The following ALOXE3 variants were observed in gnomAD, a reference collection of about 807,000 sequenced individuals.
The protein encoded by ALOXE3 is hydroperoxide isomerase ALOXE3.
ALOXE3 carries 78 observed loss-of-function variants against 87.5 expected under a neutral mutation model. The ratio of observed to expected loss-of-function variants is 0.89; its 90% CI spans 0.74 to 1.08. The LOEUF is 1.08. Ranked by LOEUF, ALOXE3 falls within the 50% of genes least tolerant of loss-of-function variation. The pLI is 0.00. For missense variants in ALOXE3, 946 were observed against 912.4 expected (o/e 1.04, Z -0.47); for synonymous variants, 363 against 370.8 (o/e 0.98, Z 0.24).
intron 6 of ALOXE3, among the ~76,000 whole-genome samples, chr17:8,113,204 C>G (rs965346139): frequency 6.6e-6 from 1 of 152,172 alleles, no homozygotes; most frequent in African/African-American, 2.4e-5. Flanking sequence ...TGCCTTGGAT[C>G]TTTCACACTC....
At chr17:8,107,527 AG>A (rs1979410926) in intron 13 of ALOXE3, among the ~76,000 whole-genome samples, 1 of 151,866 alleles carries the variant, frequency 6.6e-6, no homozygotes, top group African/African-American at 2.4e-5. Context: ...GCACCAGGCG[AG>A]GTGGCTCACG....
chr17:8,106,603 A>G (rs1979330554), intron 13 of ALOXE3, among the ~76,000 whole-genome samples: 1 of 152,140 alleles, frequency 6.6e-6, no homozygotes, highest in African/African-American at 2.4e-5. Context: ...CATATTGCCT[A>G]TTTTTCCCCC....
In ALOXE3 at chr17:8,096,671, T is replaced by TGTA. The variant is rs1433785023; in HGVS notation, c.2089_2091dup (p.Tyr697dup). Reference sequence around the variant, plus strand: ...TCAATGAGGGGAGGGTCCAGGTAGGTGTAGGGCAGTGCCAGACCCTGGTTC... The same window carrying TGTA: ...TCAATGAGGGGAGGGTCCAGGTAGGTGTAGTAGGGCAGTGCCAGACCCTGGTTC... On this transcript the variant is annotated inframe_insertion, in exon 16 of 16. Coordinates refer to ENST00000448843, the MANE Select transcript of ALOXE3 (RefSeq NM_021628.3). The TGTA allele has an allele frequency of 4.6e-6, 7 of 1,535,500 alleles. No homozygotes were observed. Among genetic ancestry groups the TGTA allele is most frequent in the Non-Finnish European group, 6.3e-6 (7 of 1,108,514 alleles).
At chr17:8,109,484 GC>G in intron 11 of ALOXE3, 141 bp from the exon 12 acceptor site, 7 of 1,165,166 alleles carry the variant, frequency 6.0e-6, no homozygotes, top group South Asian at 5.5e-5. Context: ...ACCCACGAGG[GC>G]CTGCCTGACG....
chr17:8,109,781 G>A (rs1979860727), intron 11 of ALOXE3, 135 bp downstream of exon 11: 2 of 875,618 alleles, frequency 2.3e-6, no homozygotes, highest in Non-Finnish European at 3.5e-6. Context: ...GGTGGAAGAG[G>A]CAGTGATTGT....
chr17:8,106,790 A>T (rs972908082), intron 13 of ALOXE3, among the ~76,000 whole-genome samples: 1 of 152,096 alleles, frequency 6.6e-6, no homozygotes, highest in Non-Finnish European at 1.5e-5. Flanking sequence ...CTTTTTAAAT[A>T]CTGTATGTGA....
At chr17:8,105,838 C>T (rs185639804) in intron 13 of ALOXE3, among the ~76,000 whole-genome samples, 1 of 144,520 alleles carries the variant, frequency 6.9e-6, no homozygotes, top group African/African-American at 2.6e-5. Context: ...TCACTTGAGC[C>T]TGGGAGGTCA....
Position 8,110,471 on chromosome 17 carries a change from G to A in ALOXE3, c.1015C>T (p.Leu339=), listed in dbSNP as rs770333879. 1.7e-5 allele frequency: 28 copies of A among 1,613,758 alleles called. No individual in the cohort carries two copies. The African/African-American group carries it at 3.5e-4, about 20-fold the overall frequency. Residue 339 remains leucine (L), a synonymous_variant, in exon 9 of 16, where the codon CTA becomes TTA. Coordinates refer to ENST00000448843, the MANE Select transcript of ALOXE3 (RefSeq NM_021628.3). The part of the protein sequence containing the change: ...WILAEAPTHC[L]NGRQQYVAAP... The stretch of plus-strand genomic sequence containing the variant: ...GCCACGTACTGCTGGCGGCCGTTTA[G>A]GCAGTGGGTGGGGGCCTCCGCCAGG...
chr17:8,104,029 G>T, intron 14 of ALOXE3, 86 bp downstream of exon 14: 1 of 1,180,122 alleles, frequency 8.5e-7, no homozygotes. Flanking sequence ...CCCCAACGCT[G>T]ACCCACCCAA....
At chr17:8,114,681 C>A in intron 5 of ALOXE3, 72 bp from the exon 6 acceptor site, 1 of 1,601,558 alleles carries the variant, frequency 6.2e-7, no homozygotes, top group South Asian at 1.1e-5. Context: ...AACTCCTTCC[C>A]TCTTTCCTGC....
Position 8,118,130 on chromosome 17 carries a change from G to T in ALOXE3, c.-140C>A. 2.6e-6 allele frequency: 4 copies of T among 1,551,522 alleles called. No homozygotes were observed. The highest frequency in any genetic ancestry group is 2.6e-6 in the Non-Finnish European group (3 of 1,147,250). Reference sequence around the variant, plus strand: ...CGGGGCTGGGTAGGGCTGAGGATGGGCCCAGCTCTCTCTGGGATGTTCCTG... The same window carrying T: ...CGGGGCTGGGTAGGGCTGAGGATGGTCCCAGCTCTCTCTGGGATGTTCCTG... On this transcript the variant is annotated 5_prime_UTR_variant, in exon 2 of 16. Coordinates refer to ENST00000448843, the MANE Select transcript of ALOXE3 (RefSeq NM_021628.3).
At chr17:8,106,057 T>G (rs1406332757) in intron 13 of ALOXE3, among the ~76,000 whole-genome samples, 2 of 151,676 alleles carry the variant, frequency 1.3e-5, no homozygotes, top group Non-Finnish European at 2.9e-5. Flanking sequence ...TTCAGAGGAT[T>G]AGCAGGGTGG....
chr17:8,107,833 G>T (rs1436118699), intron 13 of ALOXE3, among the ~76,000 whole-genome samples: 568 of 3,674 alleles, frequency 0.15, 12 homozygotes, highest in Middle Eastern at 0.33. Flanking sequence ...AAGAAAGAAA[G>T]AAAGAAAGAA....
At chr17:8,096,944 C>A in intron 15 of ALOXE3, 138 bp from the exon 16 acceptor site, 1 of 981,990 alleles carries the variant, frequency 1.0e-6, no homozygotes, top group Non-Finnish European at 1.6e-6. Context: ...AACACTTGCC[C>A]CAAACTGCCA....
rs112227180 is a variant in ALOXE3 at position 8,118,089 on chromosome 17, G to A, written c.-99C>T. Reference sequence around the variant, plus strand: ...GCCGGACAGGGCTGGGTTTCTGGGCGGAGGGCTAGGGGCTGCGGGGCTGGG... The same window carrying A: ...GCCGGACAGGGCTGGGTTTCTGGGCAGAGGGCTAGGGGCTGCGGGGCTGGG... On this transcript the variant is annotated 5_prime_UTR_variant, in exon 2 of 16. Coordinates refer to ENST00000448843, the MANE Select transcript of ALOXE3 (RefSeq NM_021628.3). 5 of 1,560,068 alleles carry A rather than the reference G, an allele frequency of 3.2e-6. No homozygotes were observed. The highest frequency in any genetic ancestry group is 1.2e-5 in the South Asian group (1 of 85,038).
intron 3 of ALOXE3, 135 bp from the exon 4 acceptor site, chr17:8,115,823 C>A (rs1348968582): frequency 2.4e-6 from 2 of 818,960 alleles, no homozygotes; most frequent in African/African-American, 3.4e-5. Flanking sequence ...GGTGCCCCCA[C>A]GTTCTTTGTG....
chr17:8,116,844 C>G lies in ALOXE3; in HGVS notation c.284G>C (p.Ser95Thr), dbSNP rs1980633962. ...CTGATAGCAGGGGAAGTGGGATACACTACCATCCGGTTCGGTGACACAGAT... is the reference window on the plus strand; with the variant it reads ...CTGATAGCAGGGGAAGTGGGATACAGTACCATCCGGTTCGGTGACACAGAT... ...SRICVTEPDG[S>T]VSHFPCYQWI... The change falls in exon 3 of 16, where the codon AGT becomes ACT. Residue 95 changes from serine (S) to threonine (T), a missense_variant. Coordinates refer to ENST00000448843, the MANE Select transcript of ALOXE3 (RefSeq NM_021628.3). 6.2e-7 allele frequency: 1 copy of G among 1,614,126 alleles called. No homozygotes were observed. Among genetic ancestry groups the G allele is most frequent in the South Asian group, 1.1e-5 (1 of 91,094 alleles).
At chr17:8,096,877 A>T (rs1978577967) in intron 15 of ALOXE3, 71 bp from the exon 16 acceptor site, 4 of 1,554,244 alleles carry the variant, frequency 2.6e-6, no homozygotes. Context: ...GACCACATGT[A>T]ACAGCAAATC....
At chr17:8,107,502 G>A (rs911992081) in intron 13 of ALOXE3, among the ~76,000 whole-genome samples, 1 of 152,018 alleles carries the variant, frequency 6.6e-6, no homozygotes, top group Admixed American at 6.6e-5. Flanking sequence ...GGGCAACAAA[G>A]TAAGACTCTG....
Sources: gnomAD v4.1 joint callset for allele counts (sites outside exome capture counted in the v4.1 genomes callset) on GRCh38, gnomAD v4.1.1 for gene constraint, MANE v1.5 for transcripts, NCBI Gene and HGNC (gene_info 2026-07-23, HGNC 2026-07-21) for gene names.